RTN4: variants seen among roughly 807,000 people sequenced by gnomAD.
RTN4 encodes reticulon-4.
RTN4 carries 32 observed loss-of-function variants against 90.4 expected under a neutral mutation model. The observed-to-expected ratio is 0.35, with a 90% CI of 0.27 to 0.48. RTN4 has a LOEUF of 0.48. Among genes scored for constraint, RTN4 ranks in the 20% least tolerant of loss-of-function variants. RTN4 has a pLI of 0.99. For missense variants in RTN4, 1,706 were observed against 1,430.2 expected, an observed-to-expected ratio of 1.19 and a Z score of -3.11; for synonymous variants, 629 against 552.5, an observed-to-expected ratio of 1.14 and a Z score of -1.94.
chr2:54,991,046 T>C (rs913739109), intron 3 of RTN4, among the ~76,000 whole-genome samples: 6 of 152,066 alleles, frequency 3.9e-5, no homozygotes, highest in Non-Finnish European at 5.9e-5. Context: ...CCTCTCAAAG[T>C]GCTGGGATTA....
chr2:55,074,205 A>G (rs1417717661), intron 2 of RTN4, among the ~76,000 whole-genome samples: 1 of 152,182 alleles, frequency 6.6e-6, no homozygotes, highest in African/African-American at 2.4e-5. Flanking sequence ...GAATATCATA[A>G]AGTAAGAAAA....
intron 2 of RTN4, among the ~76,000 whole-genome samples, chr2:55,069,326 C>A (rs954524434): frequency 3.3e-5 from 5 of 152,328 alleles, no homozygotes; most frequent in Non-Finnish European, 5.9e-5. Context: ...TGTCAGCATT[C>A]TTCTGGAAAA....
chr2:55,012,524 A>G (rs1245101173), intron 3 of RTN4, among the ~76,000 whole-genome samples: 1 of 152,198 alleles, frequency 6.6e-6, no homozygotes, highest in Non-Finnish European at 1.5e-5. Context: ...TTAAATCTGA[A>G]AAACTGATAT....
At chr2:55,050,887 C>T (rs1668072416), upstream of RTN4, 1 of 152,032 alleles carries the variant, frequency 6.6e-6, no homozygotes, top group Non-Finnish European at 1.5e-5. This position sits in a 1 kb window ranked among gnomAD's most constrained non-coding sequence, Gnocchi z 4.6. Context: ...GGCGCGGTTT[C>T]TGGCGCGCCA....
intron 1 of RTN4, among the ~76,000 whole-genome samples, chr2:55,041,575 CAAAAATGG>C (rs1236471613): frequency 7.9e-5 from 12 of 151,706 alleles, no homozygotes; most frequent in Admixed American, 7.9e-4. Context: ...AAGAATATGA[CAAAAATGG>C]TACTTCAAAG....
intron 3 of RTN4, among the ~76,000 whole-genome samples, chr2:55,002,213 C>CA (rs1427824309): frequency 6.6e-6 from 1 of 151,794 alleles, no homozygotes; most frequent in African/African-American, 2.4e-5. Context: ...CGTGCACCAC[C>CA]ACACCAAGCT....
At chr2:54,993,812 C>T (rs1679211661) in intron 3 of RTN4, among the ~76,000 whole-genome samples, 5 of 152,142 alleles carry the variant, frequency 3.3e-5, no homozygotes, top group Admixed American at 3.3e-4. Context: ...CTGATAGTCA[C>T]ACATAAGATA....
chr2:54,992,501 A>C (rs897026919), intron 3 of RTN4, among the ~76,000 whole-genome samples: 5 of 152,318 alleles, frequency 3.3e-5, no homozygotes, highest in East Asian at 1.9e-4. Context: ...TGAATATTTC[A>C]CCTACTGTTA....
chr2:55,130,630 A>G, the RTN4 span, among the ~76,000 whole-genome samples: 1 of 152,150 alleles, frequency 6.6e-6, no homozygotes, highest in African/African-American at 2.4e-5. Context: ...GCATGCCTAT[A>G]TTTTCAGCTA....
the RTN4 span, among the ~76,000 whole-genome samples, chr2:55,121,170 A>G: frequency 6.6e-6 from 1 of 152,234 alleles, no homozygotes; most frequent in East Asian, 1.9e-4. Context: ...TCTGACAGAC[A>G]CCATACATGG....
intron 1 of RTN4, among the ~76,000 whole-genome samples, chr2:55,095,742 A>G (rs150960693): frequency 6.6e-6 from 1 of 152,276 alleles, no homozygotes; most frequent in Non-Finnish European, 1.5e-5. Flanking sequence ...GGATCTCACT[A>G]TGTTGCCCAA....
chr2:54,982,237 T>G (rs950105847), intron 5 of RTN4, among the ~76,000 whole-genome samples: 1 of 152,030 alleles, frequency 6.6e-6, no homozygotes, highest in Non-Finnish European at 1.5e-5. Flanking sequence ...ATTACAGGTG[T>G]GAGCCACCAC....
At chr2:55,067,676 A>G (rs1668419398) in intron 2 of RTN4, among the ~76,000 whole-genome samples, 1 of 152,136 alleles carries the variant, frequency 6.6e-6, no homozygotes, top group African/African-American at 2.4e-5. Flanking sequence ...TGGCCTCCCA[A>G]AGTGCTGGGA....
At chr2:55,125,443 G>T in the RTN4 span, among the ~76,000 whole-genome samples, 1 of 152,180 alleles carries the variant, frequency 6.6e-6, no homozygotes, top group African/African-American at 2.4e-5. Flanking sequence ...TTAAAAAGTG[G>T]GCGAAGGAAA....
chr2:55,056,280 TAGC>T (rs1668188728), intron 2 of RTN4, among the ~76,000 whole-genome samples: 1 of 152,142 alleles, frequency 6.6e-6, no homozygotes, highest in South Asian at 2.1e-4. Context: ...GATAGTCACT[TAGC>T]AGCCATCCCT....
At chr2:55,103,895 A>C (rs1667897524) in intron 1 of RTN4, among the ~76,000 whole-genome samples, 1 of 152,022 alleles carries the variant, frequency 6.6e-6, no homozygotes, top group Non-Finnish European at 1.5e-5. Flanking sequence ...GGGTTTCACC[A>C]TGTTGGCCAG....
chr2:55,126,058 C>T, the RTN4 span, among the ~76,000 whole-genome samples: 1 of 102,834 alleles, frequency 9.7e-6, no homozygotes, highest in Middle Eastern at 7.9e-3. Flanking sequence ...GAGACTCCGT[C>T]TCAAAAAAAA....
intron 1 of RTN4, among the ~76,000 whole-genome samples, chr2:55,105,522 G>A (rs1667929131): frequency 6.6e-6 from 1 of 152,018 alleles, no homozygotes; most frequent in Non-Finnish European, 1.5e-5. Flanking sequence ...GAGCCACCAT[G>A]CTGGCTGAGA....
intron 4 of RTN4, among the ~76,000 whole-genome samples, chr2:54,984,366 C>T (rs1678381768): frequency 6.6e-6 from 1 of 152,142 alleles, no homozygotes; most frequent in African/African-American, 2.4e-5. Flanking sequence ...CACTGTTAGA[C>T]AATTATTAAC....
Sources: gnomAD v4.1 joint callset for allele counts (sites outside exome capture counted in the v4.1 genomes callset) on GRCh38, gnomAD v4.1.1 for gene constraint, Gnocchi (gnomAD v3.1) non-coding constraint, MANE v1.5 for transcripts, NCBI Gene and HGNC (gene_info 2026-07-23, HGNC 2026-07-21) for gene names.